MTDH: variants seen among roughly 807,000 people sequenced by gnomAD.
The protein encoded by MTDH is protein LYRIC.
MTDH carries 34 observed loss-of-function variants against 72.7 expected under a neutral mutation model. The ratio of observed to expected loss-of-function variants is 0.47; its 90% CI spans 0.36 to 0.62. The LOEUF (loss-of-function observed/expected upper bound fraction) is 0.62, where lower values mean the gene tolerates loss of function less well. Ranked by LOEUF, MTDH falls within the 20% of genes least tolerant of loss-of-function variation. The pLI, the probability that MTDH is intolerant of heterozygous loss-of-function variation, is 0.00. For synonymous variants in MTDH, 266 were observed against 268.9 expected (o/e 0.99, Z 0.10); for missense variants, 677 against 699.4 (o/e 0.97, Z 0.36).
chr8:97,662,936 A>G (rs1812231587), intron 2 of MTDH, among the ~76,000 whole-genome samples: 1 of 152,026 alleles, frequency 6.6e-6, no homozygotes, highest in South Asian at 2.1e-4. Context: ...GAATAGCTTA[A>G]AATGAAGGAT....
intron 8 of MTDH, among the ~76,000 whole-genome samples, chr8:97,710,534 CA>C (rs34089678): frequency 0.48 from 68,148 of 141,752 alleles, 18,360 homozygotes; most frequent in African/African-American, 0.76. Context: ...ACTAAAAATA[CA>C]AAAAAAAAAA....
intron 8 of MTDH, among the ~76,000 whole-genome samples, chr8:97,707,336 G>A (rs1184896971): frequency 1.3e-5 from 2 of 151,536 alleles, no homozygotes; most frequent in Non-Finnish European, 2.9e-5. Context: ...ATTTAGTAGA[G>A]ATGGGATTTC....
intron 7 of MTDH, among the ~76,000 whole-genome samples, chr8:97,705,555 A>G (rs1275151936): frequency 6.6e-6 from 1 of 152,182 alleles, no homozygotes; most frequent in Non-Finnish European, 1.5e-5. Flanking sequence ...AGCTGAGATC[A>G]TGCCACTGCA....
chr8:97,674,277 T>C (rs544291366), intron 2 of MTDH, among the ~76,000 whole-genome samples: 2 of 152,322 alleles, frequency 1.3e-5, no homozygotes, highest in East Asian at 1.9e-4. Context: ...ATAACAATAG[T>C]ACCAAGTGGA....
intron 11 of MTDH, among the ~76,000 whole-genome samples, chr8:97,723,795 T>C (rs1815240911): frequency 6.7e-6 from 1 of 149,664 alleles, no homozygotes; most frequent in Admixed American, 6.7e-5. Flanking sequence ...ACTTAAGTTG[T>C]GAAGGCCAAG....
intron 4 of MTDH, among the ~76,000 whole-genome samples, 155 bp downstream of exon 4, chr8:97,687,760 G>A (rs775127294): frequency 1.3e-5 from 2 of 152,054 alleles, no homozygotes; most frequent in Non-Finnish European, 2.9e-5. Flanking sequence ...ACCATGTATC[G>A]GTTTACCGAA....
At chr8:97,710,003 G>T (rs575236284) in intron 8 of MTDH, among the ~76,000 whole-genome samples, 22 of 152,264 alleles carry the variant, frequency 1.4e-4, no homozygotes, top group African/African-American at 4.8e-4. Flanking sequence ...ACTGAAGAAA[G>T]TCCTTGTGAC....
At position 97,728,070 on chromosome 8, in the gene MTDH, C is replaced by G. The variant is rs1040193956; in HGVS notation, c.*3400C>G. 6.6e-6 allele frequency: 1 copy of G among 152,060 alleles called. No homozygotes were observed. Among genetic ancestry groups the G allele is most frequent in the Non-Finnish European group, 1.5e-5 (1 of 68,004 alleles). 9.4% of individuals were successfully genotyped at this position (152,060 alleles called of 1,614,324 possible). A position where few individuals can be genotyped will look rare whatever the true frequency, so the allele number is the denominator to read the frequency against. ...GAGTTTAGTTTTTCTTAATTAAAAA[C>G]AGTCCTCTATTAATATAGTGTGAAA... On this transcript the variant is annotated 3_prime_UTR_variant, in exon 12 of 12. Coordinates refer to ENST00000336273, the MANE Select transcript of MTDH (RefSeq NM_178812.4).
Position 97,644,729 on chromosome 8 carries a change from T to A in MTDH, c.223T>A (p.Cys75Ser). ...GCTGGGCTACGGCTGGGCCGCGGCT[T>A]GCGCCGGCGCCCGCAAAAAGCGGAG... ...FLLGYGWAAA[C>S]AGARKKRRSP... Residue 75 changes from cysteine (C) to serine (S), a missense_variant, in exon 1 of 12, where the codon TGC becomes AGC. Cys to Ser is a moderately radical substitution (Grantham distance 112). This residue lies in a region of MTDH where 467 missense variants were observed against 469.1 expected (regional missense o/e 1.00). Transcript: ENST00000336273. The A allele has an allele frequency of 6.3e-7, 1 of 1,580,996 alleles. No homozygotes were observed. Among genetic ancestry groups the A allele is most frequent in the Non-Finnish European group, 8.6e-7 (1 of 1,169,576 alleles).
chr8:97,694,720 C>T (rs919277142), intron 6 of MTDH, among the ~76,000 whole-genome samples: 1 of 151,874 alleles, frequency 6.6e-6, no homozygotes, highest in East Asian at 1.9e-4. Context: ...CCAGGAGTTC[C>T]AAGACCAGCC....
chr8:97,720,734 A>G (rs868534109), intron 10 of MTDH, among the ~76,000 whole-genome samples: 16 of 150,466 alleles, frequency 1.1e-4, no homozygotes, highest in African/African-American at 3.7e-4. Context: ...GCTCGCTGCA[A>G]CCTCTACCTC....
chr8:97,660,100 A>G (rs1276910101), intron 1 of MTDH, among the ~76,000 whole-genome samples: 3 of 151,916 alleles, frequency 2.0e-5, no homozygotes, highest in Non-Finnish European at 2.9e-5. Flanking sequence ...CAGAGGTTGC[A>G]GTGAGCCGAG....
intron 2 of MTDH, among the ~76,000 whole-genome samples, chr8:97,681,377 C>T (rs1563541452): frequency 1.3e-5 from 2 of 149,300 alleles, no homozygotes; most frequent in East Asian, 2.0e-4. Context: ...GGAAGTTAGA[C>T]CTTGTAAAAG....
At chr8:97,662,817 G>T (rs565509669) in intron 2 of MTDH, among the ~76,000 whole-genome samples, 15 of 150,950 alleles carry the variant, frequency 9.9e-5, no homozygotes, top group Non-Finnish European at 7.4e-5. Flanking sequence ...GAAAGAAATG[G>T]TTGCTACAGT....
chr8:97,661,156 G>T lies in MTDH; in HGVS notation c.466G>T (p.Asp156Tyr). 3 of 1,611,036 alleles carry T rather than the reference G, an allele frequency of 1.9e-6. No homozygotes were observed. The highest frequency in any genetic ancestry group is 2.2e-5 in the South Asian group (2 of 90,458). The change falls in exon 2 of 12, where the codon GAC becomes TAC. Residue 156 changes from aspartate to tyrosine, a missense_variant. Coordinates refer to ENST00000336273, the MANE Select transcript of MTDH (RefSeq NM_178812.4). ...SVTAKQPPEI[D>Y]KKNEKSKKNK... ...AACAGCAAAGCAGCCACCAGAGATT[G>T]ACAAGAAAAATGAAAAGGTAAGTTT...
At chr8:97,723,918 G>A (rs1239043321) in intron 11 of MTDH, among the ~76,000 whole-genome samples, 1 of 151,964 alleles carries the variant, frequency 6.6e-6, no homozygotes, top group Non-Finnish European at 1.5e-5. Flanking sequence ...GACCAGCGTG[G>A]CCAACATGGC....
At chr8:97,680,441 G>T (rs1813024998) in intron 2 of MTDH, among the ~76,000 whole-genome samples, 1 of 152,126 alleles carries the variant, frequency 6.6e-6, no homozygotes, top group Non-Finnish European at 1.5e-5. Flanking sequence ...TAGTCCCAAT[G>T]AATATGTATT....
In MTDH at chr8:97,699,900, T is replaced by C. The variant is rs757599907; in HGVS notation, c.1147+48T>C. 9.1e-5 allele frequency: 110 copies of C among 1,205,966 alleles called. 1 individual carries two copies. The highest frequency in any genetic ancestry group is 2.7e-5 in the Non-Finnish European group (22 of 817,388). 74.7% of individuals were successfully genotyped at this position (1,205,966 alleles called of 1,614,324 possible). A position where few individuals can be genotyped will look rare whatever the true frequency, so the allele number is the denominator to read the frequency against. ...AGTTATTTTTTTTCAGAGTTTTCTT[T>C]CTAGCACCCTGAATTCATGCTTTAT... is the stretch of plus-strand genomic sequence containing the variant. On this transcript the variant is annotated intron_variant, in intron 7 of 11. Coordinates refer to ENST00000336273, the MANE Select transcript of MTDH (RefSeq NM_178812.4).
chr8:97,686,317 T>G (rs1207340633), intron 2 of MTDH, among the ~76,000 whole-genome samples: 1 of 152,208 alleles, frequency 6.6e-6, no homozygotes, highest in Non-Finnish European at 1.5e-5. Flanking sequence ...CAGACCTAGT[T>G]CCTAATTATG....
Sources: gnomAD v4.1 joint callset for allele counts (sites outside exome capture counted in the v4.1 genomes callset) on GRCh38, gnomAD v4.1.1 for gene constraint, gnomAD v4.1.1 regional missense constraint, MANE v1.5 for transcripts, NCBI Gene and HGNC (gene_info 2026-07-23, HGNC 2026-07-21) for gene names.